ZNF407: variants seen among roughly 807,000 people sequenced by gnomAD.
ZNF407 encodes the protein zinc finger protein 407.
A neutral mutation model predicts 131.2 loss-of-function variants in ZNF407; 17 were observed. The ratio of observed to expected loss-of-function variants is 0.13; its 90% CI spans 0.09 to 0.19. ZNF407 has a LOEUF of 0.19. ZNF407 is among the 10% of genes least tolerant of loss of function. The probability of loss-of-function intolerance (pLI) is 1.00; values close to 1 mark genes in which losing one functional copy is unlikely to be tolerated. For synonymous variants in ZNF407, 1,156 were observed against 1,062.0 expected, an observed-to-expected ratio of 1.09 and a Z score of -1.72; for missense variants, 2,681 against 2,830.6, an observed-to-expected ratio of 0.95 and a Z score of 1.20.
chr18:74,855,981 C>T (rs1055489864), intron 4 of ZNF407, among the ~76,000 whole-genome samples: 7 of 152,226 alleles, frequency 4.6e-5, no homozygotes, highest in Non-Finnish European at 1.0e-4. Context: ...ACAGCCCTAA[C>T]AATAAGAGAG....
At chr18:74,955,388 T>C (rs1440945177) in intron 8 of ZNF407, among the ~76,000 whole-genome samples, 1 of 152,038 alleles carries the variant, frequency 6.6e-6, no homozygotes, top group East Asian at 1.9e-4. Context: ...AGGACATAGC[T>C]GAAATCAAAG....
intron 8 of ZNF407, among the ~76,000 whole-genome samples, chr18:74,921,961 T>G (rs1335492598): frequency 6.6e-6 from 1 of 152,242 alleles, no homozygotes; most frequent in Non-Finnish European, 1.5e-5. Flanking sequence ...AGAGGCTCAT[T>G]ACTGTTCTTT....
rs753938606 is a variant in ZNF407, at chr18:74,635,727, C to A, written c.4687+21C>A. 84 of 1,543,286 alleles carry A rather than the reference C, an allele frequency of 5.4e-5. No homozygotes were observed. The highest frequency in any genetic ancestry group is 7.3e-5 in the Non-Finnish European group (84 of 1,145,446). The stretch of plus-strand genomic sequence containing the variant: ...CACAGGTATGTAGCTCTGCAGCAAG[C>A]CAAGTCAGTGAGGACATGGGGCCAT... On this transcript the variant is annotated intron_variant, in intron 2 of 8. Coordinates refer to ENST00000299687, the MANE Select transcript of ZNF407 (RefSeq NM_017757.3). This position sits in a 1 kb window ranked among gnomAD's most constrained non-coding sequence, Gnocchi z 4.7.
chr18:74,738,818 CACTGG>C (rs1245448562), intron 3 of ZNF407, among the ~76,000 whole-genome samples: 1 of 152,112 alleles, frequency 6.6e-6, no homozygotes, highest in Non-Finnish European at 1.5e-5. Context: ...ACTGAATGAA[CACTGG>C]AGGAGGAATA....
At chr18:74,709,894 C>G (rs1462922333) in intron 3 of ZNF407, among the ~76,000 whole-genome samples, 1 of 152,120 alleles carries the variant, frequency 6.6e-6, no homozygotes, top group Non-Finnish European at 1.5e-5. Context: ...AAGCAACATT[C>G]TGTGGAGGGA....
In ZNF407 at chr18:74,633,970, A is replaced by G; in HGVS notation, c.2951A>G (p.His984Arg). The G allele has an allele frequency of 1.2e-6, 2 of 1,614,052 alleles. No individual in the cohort carries two copies. The highest frequency in any genetic ancestry group is 8.5e-7 in the Non-Finnish European group (1 of 1,179,912). Residue 984 changes from histidine (H) to arginine (R), a missense_variant, in exon 2 of 9, where the codon CAT (histidine) becomes CGT (arginine). Coordinates refer to ENST00000299687, the MANE Select transcript of ZNF407 (RefSeq NM_017757.3). ...TCTCTAGATGGAGAAGTTAACAGCC[A>G]TCTTCTTGATAAAAAGGAGCAAATA... ...FHSLDGEVNSHLLDKKEQISS... is the reference protein window; with the variant it reads ...FHSLDGEVNSRLLDKKEQISS...
rs548886402 is a variant in ZNF407 at position 75,014,744 on chromosome 18, T to A, written c.5429-48406T>A. Among the ~76,000 whole-genome samples, 190 of 152,276 alleles carry A rather than the reference T, an allele frequency of 1.2e-3. 3 individuals carry two copies. The highest frequency in any genetic ancestry group is 3.6e-3 in the African/African-American group (149 of 41,560). Reference sequence around the variant, plus strand: ...AAGTACATTTACGTGTTGTTTTTTTTATATACAAATTGAAAGTAAAATTTG... The same window carrying A: ...AAGTACATTTACGTGTTGTTTTTTTAATATACAAATTGAAAGTAAAATTTG... On this transcript the variant is annotated intron_variant, in intron 8 of 8. Transcript: ENST00000299687.
intron 3 of ZNF407, among the ~76,000 whole-genome samples, chr18:74,654,907 T>A (rs1221210398): frequency 1.3e-5 from 2 of 151,934 alleles, no homozygotes; most frequent in Non-Finnish European, 2.9e-5. Flanking sequence ...AAGGTTGAAT[T>A]ACTATAAATG....
At chr18:74,997,459 C>T (rs898816916) in intron 8 of ZNF407, among the ~76,000 whole-genome samples, 3 of 152,096 alleles carry the variant, frequency 2.0e-5, no homozygotes, top group Non-Finnish European at 2.9e-5. Context: ...ACGTAAAATA[C>T]AGCCTCTTGA....
intron 3 of ZNF407, among the ~76,000 whole-genome samples, chr18:74,692,580 C>G (rs1242046173): frequency 6.6e-6 from 1 of 152,142 alleles, no homozygotes; most frequent in African/African-American, 2.4e-5. Context: ...TCCTTGACAC[C>G]TTTCCTCAGC....
chr18:74,600,589 T>C (rs1982535538), intron 1 of ZNF407, among the ~76,000 whole-genome samples: 1 of 151,898 alleles, frequency 6.6e-6, no homozygotes, highest in South Asian at 2.1e-4. Flanking sequence ...AAAGCAAAAA[T>C]GTCCAGCATA....
At chr18:74,696,478 T>C (rs1967358092) in intron 3 of ZNF407, among the ~76,000 whole-genome samples, 1 of 152,152 alleles carries the variant, frequency 6.6e-6, no homozygotes, top group South Asian at 2.1e-4. Context: ...ATAATGGAAA[T>C]TTAGATGCAA....
At chr18:75,026,935 C>T (rs1267009836) in intron 8 of ZNF407, among the ~76,000 whole-genome samples, 1 of 152,206 alleles carries the variant, frequency 6.6e-6, no homozygotes, top group Non-Finnish European at 1.5e-5. Flanking sequence ...AGGACTACAT[C>T]AGTAAACACT....
At chr18:74,846,080 C>G (rs1970698386) in intron 4 of ZNF407, among the ~76,000 whole-genome samples, 1 of 152,146 alleles carries the variant, frequency 6.6e-6, no homozygotes. Context: ...TAATTAACTT[C>G]ATGCCTCACT....
intron 4 of ZNF407, among the ~76,000 whole-genome samples, chr18:74,871,168 G>A (rs531781848): frequency 5.3e-5 from 8 of 152,240 alleles, no homozygotes; most frequent in Non-Finnish European, 1.0e-4. Flanking sequence ...GGCAGTGCTC[G>A]TCCCTGTGTG....
chr18:74,745,612 AC>A (rs1968651029), intron 3 of ZNF407, among the ~76,000 whole-genome samples: 1 of 152,160 alleles, frequency 6.6e-6, no homozygotes, highest in Admixed American at 6.5e-5. Context: ...AATTGAACTT[AC>A]GTATTTGTTT....
At chr18:74,920,134 A>C (rs1019135179) in intron 7 of ZNF407, among the ~76,000 whole-genome samples, 4 of 152,226 alleles carry the variant, frequency 2.6e-5, no homozygotes, top group Non-Finnish European at 5.9e-5. Context: ...CAGATGCTCT[A>C]AATTCAGTGG....
intron 6 of ZNF407, among the ~76,000 whole-genome samples, chr18:74,886,515 A>G (rs937638619): frequency 6.6e-6 from 1 of 152,206 alleles, no homozygotes; most frequent in Non-Finnish European, 1.5e-5. Context: ...TCAGTAGACA[A>G]ATGGATAATC....
chr18:74,681,070 C>A lies in ZNF407; in HGVS notation c.4802+39948C>A, dbSNP rs141925794. 2.2e-3 allele frequency among the ~76,000 whole-genome samples: 336 copies of A among 152,172 alleles called. 3 individuals are homozygous for A. Among genetic ancestry groups the A allele is most frequent in the African/African-American group, 7.5e-3 (312 of 41,512 alleles). ...ATGAACCAATAACTATAATACCAGG[C>A]AGGTGCTGTTAGAGAAATGTACATA... is the stretch of plus-strand genomic sequence containing the variant. On this transcript the variant is annotated intron_variant, in intron 3 of 8. Transcript: ENST00000299687.
Sources: gnomAD v4.1 joint callset for allele counts (sites outside exome capture counted in the v4.1 genomes callset) on GRCh38, gnomAD v4.1.1 for gene constraint, Gnocchi (gnomAD v3.1) non-coding constraint, MANE v1.5 for transcripts, NCBI Gene and HGNC (gene_info 2026-07-23, HGNC 2026-07-21) for gene names.